The following FER variants were observed in gnomAD, a reference collection of about 807,000 sequenced individuals.
FER encodes the protein tyrosine-protein kinase Fer.
In FER, 63 loss-of-function variants were observed where a neutral mutation model predicts 111.0. That is an observed-to-expected ratio of 0.57 (90% CI 0.46 to 0.70). The LOEUF (loss-of-function observed/expected upper bound fraction) is 0.70, where lower values mean the gene tolerates loss of function less well. Among genes scored for constraint, FER ranks in the 30% least tolerant of loss-of-function variants. The pLI is 0.00. For synonymous variants in FER, 327 were observed against 313.9 expected (o/e 1.04, Z -0.44); for missense variants, 914 against 954.0 (o/e 0.96, Z 0.55).
intron 2 of FER, among the ~76,000 whole-genome samples, chr5:108,797,490 C>T (rs1012658915): frequency 2.6e-5 from 4 of 152,188 alleles, no homozygotes; most frequent in Non-Finnish European, 5.9e-5. Context: ...TGAGTTCATC[C>T]TGGTTTTGCT....
intron 5 of FER, chr5:108,841,729 T>C: frequency 3.8e-6 from 1 of 261,580 alleles, no homozygotes; most frequent in Non-Finnish European, 7.6e-6. Context: ...GCAGTCTGTT[T>C]TGTACCATCA....
chr5:108,986,513 C>G (rs947914338), intron 13 of FER, among the ~76,000 whole-genome samples: 1 of 152,028 alleles, frequency 6.6e-6, no homozygotes, highest in Non-Finnish European at 1.5e-5. Flanking sequence ...GTTATGAAGT[C>G]TTTGCCTAAT....
intron 1 of FER, among the ~76,000 whole-genome samples, chr5:108,759,890 A>G (rs1160790299): frequency 6.6e-6 from 1 of 152,250 alleles, no homozygotes; most frequent in Non-Finnish European, 1.5e-5. Context: ...TGGAGAGCAC[A>G]CATTCAAACT....
chr5:109,175,896 A>G lies in FER; in HGVS notation c.2049-4851A>G, dbSNP rs551800026. On this transcript the variant is annotated intron_variant, in intron 17 of 19. Transcript: ENST00000281092. ...TGGGAGGCCGAGGTGGGAGAATCGC[A>G]TGAACGTGGGAGATGGAGGTTGCAG... Among the ~76,000 whole-genome samples the G allele has an allele frequency of 2.3e-3, 355 of 152,222 alleles. 2 individuals carry two copies. Among genetic ancestry groups the G allele is most frequent in the African/African-American group, 8.2e-3 (341 of 41,566 alleles).
In FER at chr5:108,798,211, C is replaced by T; in HGVS notation, c.29C>T (p.Ser10Leu). The change falls in exon 3 of 20, where the codon TCA (serine) becomes TTA (leucine). Residue 10 changes from serine (S) to leucine (L), a missense_variant. Physicochemically the swap from Ser to Leu is moderately radical, Grantham distance 145. This residue lies in a region of FER where 774 missense variants were observed against 782.6 expected (regional missense o/e 0.99). Transcript: ENST00000281092. MGFGSDLKN[S>L]HEAVLKLQDW... is the part of the protein sequence containing the mutation. ...GGGTTTGGGAGTGACCTGAAGAATT[C>T]ACATGAAGCAGTGTTAAAATTGCAA... 1.2e-6 allele frequency: 2 copies of T among 1,613,978 alleles called. No homozygotes were observed. The highest frequency in any genetic ancestry group is 1.7e-6 in the Non-Finnish European group (2 of 1,179,992).
chr5:109,187,680 T>C lies in FER; in HGVS notation c.*105T>C. ...TTATACCACATTACCTTCGACAGTC[T>C]TCTACCATTATTTTTTATTAACTGG... On this transcript the variant is annotated 3_prime_UTR_variant, in exon 20 of 20. Coordinates refer to ENST00000281092, the MANE Select transcript of FER (RefSeq NM_005246.4). 7.5e-7 allele frequency: 1 copy of C among 1,326,672 alleles called. No individual in the cohort carries two copies. Among genetic ancestry groups the C allele is most frequent in the Non-Finnish European group, 1.0e-6 (1 of 966,568 alleles). The allele number at this position is 1,326,672 out of a possible 1,614,324, so 82.2% of individuals were successfully genotyped here.
At chr5:108,970,108 A>T (rs1327949241) in intron 13 of FER, among the ~76,000 whole-genome samples, 1 of 148,516 alleles carries the variant, frequency 6.7e-6, no homozygotes, top group Admixed American at 6.6e-5. Context: ...CAAACTTGAG[A>T]GTATTGATAT....
chr5:109,013,701 G>A (rs1229836345), intron 13 of FER, among the ~76,000 whole-genome samples: 1 of 152,014 alleles, frequency 6.6e-6, no homozygotes, highest in Non-Finnish European at 1.5e-5. Flanking sequence ...CACCAACAGT[G>A]TAAAAAAGTG....
intron 13 of FER, among the ~76,000 whole-genome samples, chr5:109,009,837 GC>G: frequency 6.6e-6 from 1 of 152,292 alleles, no homozygotes; most frequent in South Asian, 2.1e-4. Context: ...AGCTGAAATG[GC>G]TAGTCTTTTA....
At chr5:109,104,334 T>TTA (rs1168339115) in intron 17 of FER, among the ~76,000 whole-genome samples, 1 of 152,198 alleles carries the variant, frequency 6.6e-6, no homozygotes, top group Non-Finnish European at 1.5e-5. Context: ...AAAATGAAGA[T>TTA]TATAGTCACT....
intron 13 of FER, among the ~76,000 whole-genome samples, chr5:108,993,893 T>G (rs1411121377): frequency 6.6e-6 from 1 of 152,218 alleles, no homozygotes; most frequent in African/African-American, 2.4e-5. Context: ...GTTGAGCTTT[T>G]TTTTCATGTT....
At chr5:109,166,419 G>A (rs1260924270) in intron 17 of FER, among the ~76,000 whole-genome samples, 2 of 152,086 alleles carry the variant, frequency 1.3e-5, no homozygotes, top group African/African-American at 4.8e-5. Flanking sequence ...CAAGTAATTA[G>A]CTCTGCTCCC....
At chr5:108,795,112 G>C (rs1027794816) in intron 2 of FER, among the ~76,000 whole-genome samples, 3 of 152,150 alleles carry the variant, frequency 2.0e-5, no homozygotes, top group Non-Finnish European at 1.5e-5. Context: ...TTGCTTGCAC[G>C]TAGGAGTTTG....
chr5:108,860,865 A>G (rs1458969778), intron 5 of FER, among the ~76,000 whole-genome samples: 1 of 152,220 alleles, frequency 6.6e-6, no homozygotes. Flanking sequence ...TGGAAGAGGA[A>G]GAGGCATGAC....
At chr5:109,051,607 C>T in intron 16 of FER, 2 of 1,603,370 alleles carry the variant, frequency 1.2e-6, no homozygotes, top group Non-Finnish European at 1.7e-6. Context: ...CAGCTTGTAC[C>T]CAGGAAGAGA....
At chr5:109,093,513 A>G (rs943816545) in intron 16 of FER, among the ~76,000 whole-genome samples, 4 of 152,188 alleles carry the variant, frequency 2.6e-5, no homozygotes, top group African/African-American at 7.2e-5. Context: ...TTATTTAAAT[A>G]GTAAGATTGT....
chr5:109,083,921 G>GTA (rs1302561055), intron 16 of FER, among the ~76,000 whole-genome samples: 1 of 151,980 alleles, frequency 6.6e-6, no homozygotes, highest in Non-Finnish European at 1.5e-5. Context: ...TGACCTGTGA[G>GTA]TATCATGCCT....
intron 17 of FER, among the ~76,000 whole-genome samples, chr5:109,134,229 A>G (rs1296678958): frequency 1.3e-5 from 2 of 152,140 alleles, no homozygotes; most frequent in African/African-American, 2.4e-5. Flanking sequence ...GTTCCATACT[A>G]TGTAATATTT....
intron 18 of FER, among the ~76,000 whole-genome samples, chr5:109,185,838 A>C (rs928857445): frequency 2.0e-5 from 3 of 152,232 alleles, no homozygotes; most frequent in African/African-American, 7.2e-5. Context: ...GTCGTTACGC[A>C]GTTTCATCAT....
Sources: gnomAD v4.1 joint callset for allele counts (sites outside exome capture counted in the v4.1 genomes callset) on GRCh38, gnomAD v4.1.1 for gene constraint, gnomAD v4.1.1 regional missense constraint, MANE v1.5 for transcripts, NCBI Gene and HGNC (gene_info 2026-07-23, HGNC 2026-07-21) for gene names.